PACRGL: variants seen among roughly 807,000 people sequenced by gnomAD.
PACRGL encodes PACRG-like protein.
A neutral mutation model predicts 34.5 loss-of-function variants in PACRGL; 38 were observed. The ratio of observed to expected loss-of-function variants is 1.10; its 90% CI spans 0.85 to 1.44. The LOEUF (loss-of-function observed/expected upper bound fraction) is 1.44. Ranked by LOEUF, PACRGL falls within the 40% of genes most tolerant of loss-of-function variation. The pLI is 0.00. For missense variants in PACRGL, 305 were observed against 281.4 expected (o/e 1.08, Z -0.60); for synonymous variants, 128 against 100.1 (o/e 1.28, Z -1.66).
chr4:20,705,397 T>G (rs187133451), intron 3 of PACRGL, among the ~76,000 whole-genome samples: 1 of 152,226 alleles, frequency 6.6e-6, no homozygotes, highest in African/African-American at 2.4e-5. Flanking sequence ...TCGAAGGGGA[T>G]TGTGAGGGTG....
the PACRGL span, chr4:20,766,929 G>A: frequency 2.0e-5 from 3 of 152,156 alleles, no homozygotes; most frequent in Non-Finnish European, 2.9e-5. Flanking sequence ...AAGTCTCATT[G>A]CTCTCCTCTG....
chr4:20,745,035 C>T (rs1389892170), intron 8 of PACRGL, among the ~76,000 whole-genome samples: 1 of 152,188 alleles, frequency 6.6e-6, no homozygotes, highest in Non-Finnish European at 1.5e-5. Flanking sequence ...ACTCCCCAGA[C>T]TCAGACTCTT....
chr4:20,742,865 A>G (rs116625768), intron 8 of PACRGL, among the ~76,000 whole-genome samples: 1 of 152,182 alleles, frequency 6.6e-6, no homozygotes, highest in Non-Finnish European at 1.5e-5. Flanking sequence ...ACTTAAGCGA[A>G]GTCTCAGGGT....
At chr4:20,713,561 T>C in intron 7 of PACRGL, 22 bp downstream of exon 7, 1 of 1,554,560 alleles carries the variant, frequency 6.4e-7, no homozygotes, top group Non-Finnish European at 8.9e-7. Context: ...AAAGATTAGA[T>C]AATGATTGAC....
the PACRGL span, among the ~76,000 whole-genome samples, chr4:20,763,396 A>G: frequency 6.6e-6 from 1 of 152,160 alleles, no homozygotes. Context: ...AGGCTAATGA[A>G]GATTTGGTGA....
downstream of PACRGL, among the ~76,000 whole-genome samples, chr4:20,755,212 A>G (rs1425854301): frequency 6.6e-6 from 1 of 152,172 alleles, no homozygotes; most frequent in Non-Finnish European, 1.5e-5. Context: ...GTGTTTTCTT[A>G]GAATTCTAAT....
chr4:20,725,988 A>T (rs1199509292), intron 8 of PACRGL, among the ~76,000 whole-genome samples: 1 of 152,108 alleles, frequency 6.6e-6, no homozygotes, highest in African/African-American at 2.4e-5. Flanking sequence ...TAAATGCAAA[A>T]TATATTTCTC....
intron 1 of PACRGL, chr4:20,701,752 C>T: frequency 2.3e-6 from 1 of 427,680 alleles, no homozygotes; most frequent in South Asian, 1.6e-5. Context: ...CCCTCCCTCC[C>T]CCCAGTCTCT....
chr4:20,749,156 A>C (rs55819488), intron 8 of PACRGL, among the ~76,000 whole-genome samples: 46,015 of 109,670 alleles, frequency 0.42, 7,513 homozygotes, highest in African/African-American at 0.51. Context: ...AGACTCTTTC[A>C]AAAAAAAAAA....
chr4:20,748,663 A>C (rs1752963353), intron 8 of PACRGL, among the ~76,000 whole-genome samples: 1 of 148,168 alleles, frequency 6.7e-6, no homozygotes. Flanking sequence ...ACAAAGCAAA[A>C]TATGTATAAT....
chr4:20,738,450 G>A (rs1750230392), intron 8 of PACRGL, among the ~76,000 whole-genome samples: 1 of 152,086 alleles, frequency 6.6e-6, no homozygotes, highest in Admixed American at 6.5e-5. Context: ...AGGTTGAAGT[G>A]GGACCCCAAA....
At position 20,732,362 on chromosome 4, in the gene PACRGL, AGCTT is replaced by A. The variant is rs1319060301; in HGVS notation, c.*5026_*5029del. Among the ~76,000 whole-genome samples, 3 of 152,126 alleles carry A rather than the reference AGCTT, an allele frequency of 2.0e-5. No individual in the cohort carries two copies. Among genetic ancestry groups the A allele is most frequent in the Admixed American group, 6.6e-5 (1 of 15,262 alleles). On this transcript the variant is annotated 3_prime_UTR_variant, in exon 9 of 9. Transcript: ENST00000503585. ...TTGCGCAATTTGCTGAAACTTTCAG[AGCTT>A]GCTTTTTGTCTCATCTGTAAAATGA... is the stretch of plus-strand genomic sequence containing the variant.
exon 9 of PACRGL, chr4:20,752,574 T>C (rs1753845745): frequency 6.6e-6 from 1 of 152,190 alleles, no homozygotes; most frequent in African/African-American, 2.4e-5. Context: ...GGATTTCTGT[T>C]GTGTGTCTAG....
At position 20,729,350 on chromosome 4, in the gene PACRGL, C is replaced by CTGTAAGAAAGATTGAACAAAT. The variant is rs1553881375; in HGVS notation, c.*2010_*2030dup. ...AATGATTGATACAATAGAAAACAGCCTGTAAGAAAGATTGAACAAATCCAA... is the reference window on the plus strand; with the variant it reads ...AATGATTGATACAATAGAAAACAGCCTGTAAGAAAGATTGAACAAATTGTAAGAAAGATTGAACAAATCCAA... On this transcript the variant is annotated 3_prime_UTR_variant, in exon 9 of 9. Transcript: ENST00000503585. 18 of 152,078 alleles carry CTGTAAGAAAGATTGAACAAAT rather than the reference C, an allele frequency of 1.2e-4. No individual in the cohort carries two copies. Among genetic ancestry groups the CTGTAAGAAAGATTGAACAAAT allele is most frequent in the African/African-American group, 4.1e-4 (17 of 41,352 alleles). 9.4% of individuals were successfully genotyped at this position (152,078 alleles called of 1,614,324 possible).
Position 20,712,811 on chromosome 4 carries a change from A to C in PACRGL, c.390A>C (p.Pro130=). Reference sequence around the variant, plus strand: ...AGGGTCTGAGAGAGACTAAGCATCCATACACTTTTGTGTCAAAGGAGGGTT... The same window carrying C: ...AGGGTCTGAGAGAGACTAAGCATCCCTACACTTTTGTGTCAAAGGAGGGTT... ...LAEGLRETKH[P]YTFVSKEGFR... is the part of the protein sequence containing the mutation. The change falls in exon 6 of 9, where the codon CCA becomes CCC. Residue 130 remains proline, a synonymous_variant. Transcript: ENST00000503585. 1.3e-6 allele frequency: 2 copies of C among 1,590,666 alleles called. No homozygotes were observed. Among genetic ancestry groups the C allele is most frequent in the South Asian group, 1.2e-5 (1 of 86,614 alleles).
At position 20,711,665 on chromosome 4, in the gene PACRGL, A is replaced by T. The variant is rs149677571; in HGVS notation, c.367-1123A>T. ...CTTCATAGATAATTAGTCAAACTAA[A>T]GGAGTTTACTGTTGATTTTGTTTTG... On this transcript the variant is annotated intron_variant, in intron 5 of 8. Coordinates refer to ENST00000503585, the MANE Select transcript of PACRGL (RefSeq NM_001258345.3). 7.9e-4 allele frequency among the ~76,000 whole-genome samples: 121 copies of T among 152,310 alleles called. 1 individual carries two copies. The East Asian group carries it at 0.02, about 26-fold the overall frequency.
intron 7 of PACRGL, among the ~76,000 whole-genome samples, chr4:20,718,360 A>G (rs949094321): frequency 1.3e-5 from 2 of 152,128 alleles, no homozygotes; most frequent in Non-Finnish European, 2.9e-5. Flanking sequence ...AGAACTTCCA[A>G]CACTATGTTG....
At chr4:20,749,459 T>C (rs1001139868) in intron 8 of PACRGL, among the ~76,000 whole-genome samples, 1 of 152,150 alleles carries the variant, frequency 6.6e-6, no homozygotes, top group Non-Finnish European at 1.5e-5. Flanking sequence ...TGAGCCGATA[T>C]AAAGCATTAG....
Position 20,724,790 on chromosome 4 carries a change from CT to C in PACRGL, c.610-17del, listed in dbSNP as rs1317707271. ...AAGTTTAAAGTCATTTCGTTTCCCC[CT>C]AATCTTACTTTAAAAGCTTTCCAAG... On this transcript the variant is annotated splice_polypyrimidine_tract_variant and intron_variant, in intron 7 of 8. Transcript: ENST00000503585. 23 of 1,418,862 alleles carry C rather than the reference CT, an allele frequency of 1.6e-5. No homozygotes were observed. The highest frequency in any genetic ancestry group is 1.8e-4 in the Middle Eastern group (1 of 5,558). 87.9% of individuals were successfully genotyped at this position (1,418,862 alleles called of 1,614,324 possible).
Sources: allele counts gnomAD v4.1 joint callset (sites outside exome capture counted in the v4.1 genomes callset), GRCh38; gene constraint gnomAD v4.1.1; transcripts MANE v1.5; gene names NCBI Gene and HGNC (gene_info 2026-07-23, HGNC 2026-07-21).